The following CEACAM1 variants were observed in gnomAD, a reference collection of about 807,000 sequenced individuals.
CEACAM1 encodes cell adhesion molecule CEACAM1.
A neutral mutation model predicts 49.1 loss-of-function variants in CEACAM1; 31 were observed. The observed-to-expected ratio is 0.63, with a 90% CI of 0.47 to 0.85. The LOEUF is 0.85. Among genes scored for constraint, CEACAM1 ranks in the 40% least tolerant of loss-of-function variants. CEACAM1 has a pLI of 0.00. For synonymous variants in CEACAM1, 244 were observed against 247.8 expected (o/e 0.98, Z 0.14); for missense variants, 570 against 645.3 (o/e 0.88, Z 1.26).
rs961371875 is a variant in CEACAM1, at chr19:42,527,168, C to T, written c.297G>A (p.Glu99=). ...ATPGPANSGR[E]TIYPNASLLI... The stretch of plus-strand genomic sequence containing the variant: ...GCAGGGATGCATTGGGGTATATTGT[C>T]TCTCGACCGCTGTTTGCGGGCCCTG... The change falls in exon 2 of 9, where the codon GAG becomes GAA. Residue 99 remains glutamate, a synonymous_variant. Transcript: ENST00000161559. 2.5e-6 allele frequency: 4 copies of T among 1,614,166 alleles called. No homozygotes were observed. Among genetic ancestry groups the T allele is most frequent in the Non-Finnish European group, 3.4e-6 (4 of 1,180,016 alleles).
Position 42,509,079 on chromosome 19 carries a change from TCAG to T in CEACAM1, c.*27_*29del, listed in dbSNP as rs1235237322. ...ATGAGGGTGAGAGACTTGAAATACA[TCAG>T]CACTGCAGTGAGCAGGACAGGTTTC... On this transcript the variant is annotated 3_prime_UTR_variant, in exon 9 of 9. Transcript: ENST00000161559. 4.3e-6 allele frequency: 7 copies of T among 1,613,366 alleles called. No individual in the cohort carries two copies. Among genetic ancestry groups the T allele is most frequent in the Non-Finnish European group, 5.9e-6 (7 of 1,179,520 alleles).
intron 2 of CEACAM1, among the ~76,000 whole-genome samples, chr19:42,523,476 G>C (rs1371548951): frequency 6.6e-6 from 1 of 152,226 alleles, no homozygotes; most frequent in Admixed American, 6.5e-5. Flanking sequence ...GTGACAGGCA[G>C]GGGCTGCCTG....
intron 4 of CEACAM1, among the ~76,000 whole-genome samples, chr19:42,519,873 A>G (rs2041700371): frequency 6.6e-6 from 1 of 152,112 alleles, no homozygotes; most frequent in Non-Finnish European, 1.5e-5. Flanking sequence ...CTGGCCTCCC[A>G]CTGACCCTTT....
chr19:42,527,212 C>T lies in CEACAM1; in HGVS notation c.253G>A (p.Gly85Arg), dbSNP rs542149555. 6.2e-7 allele frequency: 1 copy of T among 1,614,084 alleles called. No homozygotes were observed. The highest frequency in any genetic ancestry group is 1.7e-5 in the Admixed American group (1 of 60,014). The change falls in exon 2 of 9, where the codon GGA becomes AGA. Residue 85 changes from glycine (G) to arginine (R), a missense_variant. Coordinates refer to ENST00000161559, the MANE Select transcript of CEACAM1 (RefSeq NM_001712.5). ...GGCCCTGGGGTAGCTTGTTGAGTTC[C>T]TATTGCATATCCTACAATTTGACGG... ...GNRQIVGYAI[G>R]TQQATPGPAN...
chr19:42,512,595 T>G, intron 5 of CEACAM1, 116 bp from the exon 6 acceptor site: 1 of 1,049,690 alleles, frequency 9.5e-7, no homozygotes, highest in Admixed American at 2.2e-5. Context: ...GAATACAGTT[T>G]CGTTGTGGGA....
Position 42,519,162 on chromosome 19 carries a change from C to T in CEACAM1, c.1032G>A (p.Val344=). The change falls in exon 5 of 9, where the codon GTG becomes GTA. Residue 344 remains valine (V), a synonymous_variant. Coordinates refer to ENST00000161559, the MANE Select transcript of CEACAM1 (RefSeq NM_001712.5). ...TGTCATTTGTGGAGCAGGTCAGGTT[C>T]ACAGAGTCCTTATCTCCTGTGACTG... ...KTTVTGDKDS[V]NLTCSTNDTG... is the part of the protein sequence containing the mutation. 6.2e-7 allele frequency: 1 copy of T among 1,614,172 alleles called. No individual in the cohort carries two copies. Among genetic ancestry groups the T allele is most frequent in the South Asian group, 1.1e-5 (1 of 91,080 alleles).
In CEACAM1 at chr19:42,510,428, T is replaced by C. The variant is rs149835012; in HGVS notation, c.1461+461A>G. Among the ~76,000 whole-genome samples the C allele has an allele frequency of 2.4e-4, 36 of 152,286 alleles. 1 individual carries two copies. Among genetic ancestry groups the C allele is most frequent in the African/African-American group, 8.2e-4 (34 of 41,554 alleles). On this transcript the variant is annotated intron_variant, in intron 8 of 8. Transcript: ENST00000161559. ...ATAAAATTATTATTAAAAAACAGGATCTCAGATCTATTAAAATTGAAATTA... is the reference window on the plus strand; with the variant it reads ...ATAAAATTATTATTAAAAAACAGGACCTCAGATCTATTAAAATTGAAATTA...
intron 7 of CEACAM1, 98 bp from the exon 8 acceptor site, chr19:42,511,018 T>A: frequency 9.0e-7 from 1 of 1,112,804 alleles, no homozygotes; most frequent in Non-Finnish European, 1.4e-6. Context: ...GTGGGGAGTT[T>A]AAGGATCAGT....
chr19:42,516,140 G>T (rs142416180), intron 5 of CEACAM1, among the ~76,000 whole-genome samples: 1 of 152,142 alleles, frequency 6.6e-6, no homozygotes, highest in East Asian at 1.9e-4. Flanking sequence ...GCCTGCTTTT[G>T]CCATTTCTAT....
At chr19:42,515,071 C>A (rs1206912852) in intron 5 of CEACAM1, 2 of 669,614 alleles carry the variant, frequency 3.0e-6, no homozygotes, top group African/African-American at 1.8e-5. Flanking sequence ...GAGTTCGAGT[C>A]CAGCCTGGGT....
intron 5 of CEACAM1, among the ~76,000 whole-genome samples, chr19:42,513,450 A>C (rs377759222): frequency 1.6e-4 from 25 of 152,162 alleles, no homozygotes; most frequent in African/African-American, 6.0e-4. Flanking sequence ...TACAAAATTT[A>C]GCTGGGTGCG....
At chr19:42,520,344 G>T (rs2041712426) in intron 4 of CEACAM1, among the ~76,000 whole-genome samples, 1 of 152,158 alleles carries the variant, frequency 6.6e-6, no homozygotes, top group Non-Finnish European at 1.5e-5. Flanking sequence ...GGAGGCTCAG[G>T]TGTTGACTGC....
chr19:42,510,329 A>G (rs10413413), intron 8 of CEACAM1, among the ~76,000 whole-genome samples: 34,267 of 152,054 alleles, frequency 0.23, 6,077 homozygotes, highest in African/African-American at 0.49. Flanking sequence ...CTTGTGTTTC[A>G]CCTGCCTTGG....
In CEACAM1 at chr19:42,511,599, T is replaced by G; in HGVS notation, c.1406A>C (p.His469Pro). The change falls in exon 7 of 9, where the codon CAC becomes CCC. Residue 469 changes from histidine to proline, a missense_variant. By Grantham distance (77) the His-to-Pro change is moderately conservative. Transcript: ENST00000161559. Reference protein sequence around the residue: ...RASDQRDLTEHKPSVSNHTQD... With the variant: ...RASDQRDLTEPKPSVSNHTQD... ...ACTGTGGTTGGAGACTGAGGGTTTG[T>G]GCTCTGTGAGATCACGCTGGTCGCT... The G allele has an allele frequency of 6.2e-7, 1 of 1,614,054 alleles. No individual in the cohort carries two copies. The highest frequency in any genetic ancestry group is 8.5e-7 in the Non-Finnish European group (1 of 1,180,000).
Position 42,527,233 on chromosome 19 carries a change from G to C in CEACAM1, c.232C>G (p.Gln78Glu). The C allele has an allele frequency of 6.2e-7, 1 of 1,613,868 alleles. No individual in the cohort carries two copies. The highest frequency in any genetic ancestry group is 8.5e-7 in the Non-Finnish European group (1 of 1,179,958). The change falls in exon 2 of 9, where the codon CAA becomes GAA. Residue 78 changes from glutamine to glutamate, a missense_variant. By Grantham distance (29) the Gln-to-Glu change is conservative. Transcript: ENST00000161559. ...YKGERVDGNRQIVGYAIGTQQ... is the reference protein window; with the variant it reads ...YKGERVDGNREIVGYAIGTQQ... ...GTTCCTATTGCATATCCTACAATTT[G>C]ACGGTTGCCATCCACTCTTTCCCCT...
chr19:42,527,446 T>C (rs199841338), intron 1 of CEACAM1, 46 bp from the exon 2 acceptor site: 5 of 1,538,000 alleles, frequency 3.3e-6, no homozygotes, highest in Non-Finnish European at 4.4e-6. Context: ...ACCTATGCAT[T>C]AGGGTAGAAA....
At position 42,508,768 on chromosome 19, in the gene CEACAM1, T is replaced by A; in HGVS notation, c.*341A>T. The A allele has an allele frequency of 4.1e-6, 1 of 243,776 alleles. No individual in the cohort carries two copies. The highest frequency in any genetic ancestry group is 5.1e-5 in the South Asian group (1 of 19,618). The allele number at this position is 243,776 out of a possible 1,614,324, so 15.1% of individuals were successfully genotyped here. On this transcript the variant is annotated 3_prime_UTR_variant, in exon 9 of 9. Transcript: ENST00000161559. ...TAGAGTGATAGGACAGGACTGGGGG[T>A]GGGAAGGAATGAGTGCTCTGAACAG...
chr19:42,519,721 C>CCGCCGCT, intron 4 of CEACAM1, among the ~76,000 whole-genome samples: 1 of 152,092 alleles, frequency 6.6e-6, no homozygotes, highest in Admixed American at 6.5e-5. Flanking sequence ...AGGCATGTGC[C>CCGCCGCT]ACCATGCCCA....
In CEACAM1 at chr19:42,522,198, C is replaced by T; in HGVS notation, c.429G>A (p.Glu143=). 1 of 1,614,256 alleles carries T rather than the reference C, an allele frequency of 6.2e-7. No individual in the cohort carries two copies. The highest frequency in any genetic ancestry group is 8.5e-7 in the Non-Finnish European group (1 of 1,180,046). Residue 143 remains glutamate, a synonymous_variant, in exon 3 of 9, where the codon GAG becomes GAA. Transcript: ENST00000161559. ...TGCTGGAGATGGAGGGCTTGGGCAG[C>T]TCCGCTATGCAGAAAACAGAGAGAA... is the stretch of plus-strand genomic sequence containing the variant. ...EATGQFHVYP[E]LPKPSISSNN...
Sources: gnomAD v4.1 joint callset for allele counts (sites outside exome capture counted in the v4.1 genomes callset) on GRCh38, gnomAD v4.1.1 for gene constraint, MANE v1.5 for transcripts, NCBI Gene and HGNC (gene_info 2026-07-23, HGNC 2026-07-21) for gene names.